Variants in CTNNA2 observed in about 807,000 individuals in gnomAD.
CTNNA2 encodes catenin alpha-2.
Under a neutral mutation model 101.0 loss-of-function variants are expected in CTNNA2, and 42 were observed. The ratio of observed to expected loss-of-function variants is 0.42; its 90% confidence interval spans 0.32 to 0.54. CTNNA2 has a LOEUF of 0.54. Ranked by LOEUF, CTNNA2 falls within the 20% of genes least tolerant of loss-of-function variation. The pLI is 0.14. For missense variants in CTNNA2, 871 were observed against 1,223.1 expected, an observed-to-expected ratio of 0.71 and a Z score of 4.29; for synonymous variants, 450 against 456.4, an observed-to-expected ratio of 0.99 and a Z score of 0.18.
intron 17 of CTNNA2, 100 bp downstream of exon 17, chr2:80,608,418 G>A: frequency 8.0e-7 from 1 of 1,247,902 alleles, no homozygotes; most frequent in Admixed American, 2.4e-5. Flanking sequence ...AAACTACAGT[G>A]ATTTATAGGG....
At chr2:80,239,456 C>T (rs1284896964) in intron 7 of CTNNA2, among the ~76,000 whole-genome samples, 2 of 152,044 alleles carry the variant, frequency 1.3e-5, no homozygotes, top group African/African-American at 4.8e-5. Flanking sequence ...ATACAATAGC[C>T]CCCCTCTTAT....
intron 1 of CTNNA2, among the ~76,000 whole-genome samples, chr2:79,639,854 C>T (rs993983813): frequency 6.6e-6 from 1 of 151,984 alleles, no homozygotes; most frequent in Admixed American, 6.6e-5. Context: ...TTTTCCAGGT[C>T]TGTAGCAGCT....
At chr2:80,460,175 T>A (rs938521697) in intron 9 of CTNNA2, among the ~76,000 whole-genome samples, 1 of 152,144 alleles carries the variant, frequency 6.6e-6, no homozygotes, top group African/African-American at 2.4e-5. Flanking sequence ...AGAAAAAAAA[T>A]TGCCTTTGTG....
rs146658911 is a variant in CTNNA2, at chr2:80,456,713, G to A, written c.1290+37112G>A. Among the ~76,000 whole-genome samples the A allele has an allele frequency of 5.0e-4, 76 of 152,238 alleles. 1 individual carries two copies. In the East Asian group the frequency reaches 0.014, roughly 29 times the overall value. ...AGGTACTTATACACTTCGAGTTTCA[G>A]TTTCCTTAGCTATAAAATGGGAAGC... is the stretch of plus-strand genomic sequence containing the variant. On this transcript the variant is annotated intron_variant, in intron 9 of 18. Coordinates refer to ENST00000402739, the MANE Select transcript of CTNNA2 (RefSeq NM_001282597.3).
chr2:79,491,629 A>G (rs537690894), intron 4 of CTNNA2, among the ~76,000 whole-genome samples: 8 of 152,128 alleles, frequency 5.3e-5, no homozygotes, highest in African/African-American at 1.9e-4. Flanking sequence ...AAGAGTTGTA[A>G]CCTCCTTTCC....
At chr2:80,482,325 C>G (rs764504051) in intron 9 of CTNNA2, among the ~76,000 whole-genome samples, 4 of 151,970 alleles carry the variant, frequency 2.6e-5, no homozygotes, top group African/African-American at 7.3e-5. Context: ...TCTTGACATG[C>G]GTGGTAATTA....
chr2:80,503,213 C>A (rs1404359998), intron 9 of CTNNA2, among the ~76,000 whole-genome samples: 1 of 152,056 alleles, frequency 6.6e-6, no homozygotes, highest in East Asian at 1.9e-4. Flanking sequence ...AGAAATTCTA[C>A]CAATTGCAAA....
chr2:79,911,891 T>C (rs753312411), intron 7 of CTNNA2, among the ~76,000 whole-genome samples: 2 of 152,210 alleles, frequency 1.3e-5, no homozygotes, highest in Non-Finnish European at 2.9e-5. Flanking sequence ...TCCAGTGCAC[T>C]CATTTCTCCT....
intron 7 of CTNNA2, among the ~76,000 whole-genome samples, chr2:80,000,858 C>G (rs636935): frequency 0.72 from 109,528 of 152,076 alleles, 41,163 homozygotes; most frequent in East Asian, 0.94. Flanking sequence ...GGCCAACAAG[C>G]GGGGAAGGGT....
chr2:79,807,294 C>G (rs1024372250), intron 3 of CTNNA2, among the ~76,000 whole-genome samples: 1 of 152,100 alleles, frequency 6.6e-6, no homozygotes, highest in Non-Finnish European at 1.5e-5. Context: ...AAAGACAACT[C>G]AATAAATCCT....
chr2:80,041,257 A>G (rs1330893723), intron 7 of CTNNA2, among the ~76,000 whole-genome samples: 1 of 151,904 alleles, frequency 6.6e-6, no homozygotes, highest in Admixed American at 6.6e-5. Context: ...GAAAGGAGGC[A>G]GAGTAATTTT....
chr2:80,630,043 C>G (rs1335832601), intron 18 of CTNNA2, among the ~76,000 whole-genome samples: 6 of 152,054 alleles, frequency 3.9e-5, no homozygotes, highest in Admixed American at 3.9e-4. Flanking sequence ...AAAGTCAGGC[C>G]CCTGAGAGCC....
intron 18 of CTNNA2, among the ~76,000 whole-genome samples, chr2:80,619,663 G>T (rs548211921): frequency 6.6e-6 from 1 of 151,836 alleles, no homozygotes; most frequent in Admixed American, 6.6e-5. Flanking sequence ...AACTGTGGAG[G>T]TTAAAATGTG....
chr2:80,030,347 C>T (rs1558743049), intron 7 of CTNNA2, among the ~76,000 whole-genome samples: 2 of 152,074 alleles, frequency 1.3e-5, no homozygotes, highest in Non-Finnish European at 2.9e-5. Flanking sequence ...TTGTGGTTAG[C>T]ATAATGTCTG....
At chr2:80,526,472 A>G (rs1431555909) in intron 9 of CTNNA2, among the ~76,000 whole-genome samples, 1 of 152,118 alleles carries the variant, frequency 6.6e-6, no homozygotes, top group Non-Finnish European at 1.5e-5. Flanking sequence ...TCCTGAGATT[A>G]CAGATGTGCG....
At chr2:80,539,985 C>T (rs1391048115) in intron 9 of CTNNA2, among the ~76,000 whole-genome samples, 2 of 152,140 alleles carry the variant, frequency 1.3e-5, no homozygotes, top group African/African-American at 4.8e-5. Flanking sequence ...GCAAGTATAT[C>T]CCATAAACAT....
intron 4 of CTNNA2, among the ~76,000 whole-genome samples, chr2:79,467,124 C>T (rs1418755643): frequency 6.6e-6 from 1 of 152,106 alleles, no homozygotes; most frequent in African/African-American, 2.4e-5. Flanking sequence ...AGCTAAAAAC[C>T]TTGAAAAAAG....
intron 2 of CTNNA2, among the ~76,000 whole-genome samples, chr2:79,669,083 T>G (rs1479008681): frequency 6.6e-6 from 1 of 152,182 alleles, no homozygotes; most frequent in Non-Finnish European, 1.5e-5. Context: ...AAATACTGAT[T>G]CCAGTTGGAA....
intron 2 of CTNNA2, among the ~76,000 whole-genome samples, chr2:79,673,289 A>C (rs6731004): frequency 5.9e-5 from 9 of 151,528 alleles, no homozygotes; most frequent in Non-Finnish European, 1.3e-4. Flanking sequence ...TTCCTTAAAA[A>C]CTTTTAGGTT....
Sources: gnomAD v4.1 joint callset for allele counts (sites outside exome capture counted in the v4.1 genomes callset) on GRCh38, gnomAD v4.1.1 for gene constraint, MANE v1.5 for transcripts, NCBI Gene and HGNC (gene_info 2026-07-23, HGNC 2026-07-21) for gene names.